Variants in NUP188 observed in about 807,000 individuals in gnomAD.
NUP188 encodes the protein nucleoporin NUP188.
Under a neutral mutation model 223.0 loss-of-function variants are expected in NUP188, and 97 were observed. The observed-to-expected ratio is 0.43, with a 90% CI of 0.37 to 0.51. NUP188 has a LOEUF of 0.51. Among genes scored for constraint, NUP188 ranks in the 20% least tolerant of loss-of-function variants. The pLI, the probability that NUP188 is intolerant of heterozygous loss-of-function variation, is 0.00. For missense variants in NUP188, 1,947 were observed against 2,175.6 expected (o/e 0.89, Z 2.09); for synonymous variants, 869 against 828.0 (o/e 1.05, Z -0.85).
rs1252009830 is a variant in NUP188, at chr9:128,999,745, C to T, written c.3783C>T (p.Asp1261=). 2.5e-6 allele frequency: 4 copies of T among 1,614,220 alleles called. No homozygotes were observed. Among genetic ancestry groups the T allele is most frequent in the South Asian group, 1.1e-5 (1 of 91,088 alleles). The change falls in exon 34 of 44, where the codon GAC becomes GAT. Residue 1261 remains aspartate, a synonymous_variant. Coordinates refer to ENST00000372577, the MANE Select transcript of NUP188 (RefSeq NM_015354.3). Reference sequence around the variant, plus strand: ...TGGCATTAGGCAGTGCCACAGAGGACAAGGACAGCATGGAGACTGACGACT... The same window carrying T: ...TGGCATTAGGCAGTGCCACAGAGGATAAGGACAGCATGGAGACTGACGACT... ...HSLALGSATE[D]KDSMETDDCS... is the part of the protein sequence containing the mutation.
intron 2 of NUP188, among the ~76,000 whole-genome samples, chr9:128,949,542 G>T (rs1351663567): frequency 1.3e-5 from 2 of 151,964 alleles, no homozygotes; most frequent in African/African-American, 4.8e-5. Context: ...ATTTTGGTCA[G>T]GCTGGTCTCC....
chr9:128,972,466 AGAGGATTTCAC>A (rs1329693633), intron 11 of NUP188, among the ~76,000 whole-genome samples: 2 of 139,640 alleles, frequency 1.4e-5, no homozygotes, highest in East Asian at 4.2e-4. Context: ...GGTAGAACAC[AGAGGATTTCAC>A]AGAGGATTTT....
At chr9:128,950,136 C>T (rs1412519247) in intron 2 of NUP188, among the ~76,000 whole-genome samples, 2 of 150,882 alleles carry the variant, frequency 1.3e-5, no homozygotes, top group Non-Finnish European at 3.0e-5. Flanking sequence ...TTGGCCAGGT[C>T]GGTCTTGAAC....
chr9:128,978,556 CAAAAAAAAAA>C (rs57813508), intron 12 of NUP188, among the ~76,000 whole-genome samples: 1 of 67,640 alleles, frequency 1.5e-5, no homozygotes, highest in Non-Finnish European at 2.6e-5. Context: ...GAGTGAGACT[CAAAAAAAAAA>C]AAAAAAAAAA....
intron 19 of NUP188, 21 bp from the exon 20 acceptor site, chr9:128,984,879 T>C (rs553257303): frequency 1.0e-4 from 152 of 1,517,490 alleles, no homozygotes; most frequent in Middle Eastern, 3.4e-4. Context: ...TCATTTTTTT[T>C]CCCTCTACTT....
chr9:129,000,450 C>T (rs561752083), intron 34 of NUP188, among the ~76,000 whole-genome samples: 1 of 152,168 alleles, frequency 6.6e-6, no homozygotes, highest in Admixed American at 6.5e-5. Flanking sequence ...ACCCGAGTAG[C>T]TGGGGCTACA....
rs749265424 is a variant in NUP188, at chr9:129,006,069, C to T, written c.4889C>T (p.Pro1630Leu). Residue 1630 changes from proline (P) to leucine (L), a missense_variant, in exon 42 of 44, where the codon CCC becomes CTC. Pro to Leu is a moderately conservative substitution (Grantham distance 98, BLOSUM62 -3). This residue lies in a region of NUP188 where 905 missense variants were observed against 990.6 expected (regional missense o/e 0.91). Coordinates refer to ENST00000372577, the MANE Select transcript of NUP188 (RefSeq NM_015354.3). ...MLGELDKKKE[P>L]LTQAVGLSTQ... Reference sequence around the variant, plus strand: ...CTTCAGCTGGACAAGAAAAAGGAGCCCCTCACCCAGGCAGTGGGGCTCAGC... The same window carrying T: ...CTTCAGCTGGACAAGAAAAAGGAGCTCCTCACCCAGGCAGTGGGGCTCAGC... The T allele has an allele frequency of 6.2e-7, 1 of 1,614,096 alleles. No individual in the cohort carries two copies. Among genetic ancestry groups the T allele is most frequent in the East Asian group, 2.2e-5 (1 of 44,880 alleles).
chr9:128,998,344 G>A (rs565497142), intron 31 of NUP188, 116 bp downstream of exon 31: 43 of 1,104,238 alleles, frequency 3.9e-5, no homozygotes, highest in African/African-American at 1.4e-4. Flanking sequence ...CAGGGCTCAC[G>A]TTGGCCTGGG....
Position 129,001,596 on chromosome 9 carries a change from TGCAGGTAACCC to T in NUP188, c.3917_3927del (p.Val1306AlafsTer25). The T allele has an allele frequency of 2.5e-6, 4 of 1,614,110 alleles. No individual in the cohort carries two copies. The highest frequency in any genetic ancestry group is 3.4e-6 in the Non-Finnish European group (4 of 1,180,018). ...GTAGACGAGGATGGTGACTCCTGGC[TGCAGGTAACCC>T]GCAGGCTCCCCATCCTACCCACCCT... is the stretch of plus-strand genomic sequence containing the variant. On this transcript the variant is annotated frameshift_variant, in exon 35 of 44. Transcript: ENST00000372577. LOFTEE classifies it high-confidence loss of function.
At chr9:129,003,717 G>A in intron 38 of NUP188, 1 of 504,556 alleles carries the variant, frequency 2.0e-6, no homozygotes, top group Non-Finnish European at 3.6e-6. Context: ...CTTGGGGCCG[G>A]GCATGGTGGC....
chr9:128,967,832 T>C (rs542084761), intron 8 of NUP188, among the ~76,000 whole-genome samples: 160 of 152,008 alleles, frequency 1.1e-3, no homozygotes, highest in Admixed American at 2.7e-3. Flanking sequence ...GACATGGTGC[T>C]AACCTGTAGT....
At chr9:128,964,321 C>A in intron 8 of NUP188, 2 of 350,882 alleles carry the variant, frequency 5.7e-6, no homozygotes, top group Non-Finnish European at 1.1e-5. Flanking sequence ...TGTTTTACAA[C>A]TTTTTTCTTC....
At chr9:128,986,705 C>T (rs1379934161) in intron 21 of NUP188, 27 bp downstream of exon 21, 2 of 1,614,014 alleles carry the variant, frequency 1.2e-6, no homozygotes, top group East Asian at 4.5e-5. Context: ...CAGGGAAGAC[C>T]TGGGGATTTC....
rs759343351 is a variant in NUP188 at position 128,973,253 on chromosome 9, A to G, written c.1203+4A>G. On this transcript the variant is annotated splice_donor_region_variant and intron_variant, in intron 12 of 43. Coordinates refer to ENST00000372577, the MANE Select transcript of NUP188 (RefSeq NM_015354.3). ...GCACACCCTGGGCAATCAGCAGGTC[A>G]GTGTCTGGCTTTCATGAAGCTGTCT... 44 of 1,611,182 alleles carry G rather than the reference A, an allele frequency of 2.7e-5. No individual in the cohort carries two copies. Among genetic ancestry groups the G allele is most frequent in the Non-Finnish European group, 3.4e-6 (4 of 1,178,780 alleles).
intron 36 of NUP188, among the ~76,000 whole-genome samples, chr9:129,002,281 CCT>C (rs1385232496): frequency 6.6e-6 from 1 of 152,224 alleles, no homozygotes; most frequent in Non-Finnish European, 1.5e-5. Flanking sequence ...AGGCAGCTGT[CCT>C]CTCCTGTCAT....
At chr9:128,982,241 G>A (rs1239142406) in intron 15 of NUP188, among the ~76,000 whole-genome samples, 2 of 151,496 alleles carry the variant, frequency 1.3e-5, no homozygotes, top group East Asian at 3.9e-4. Flanking sequence ...GACCAGCCTG[G>A]TCAACATGGA....
chr9:128,994,043 A>G (rs1055295704), intron 27 of NUP188, among the ~76,000 whole-genome samples: 1 of 152,196 alleles, frequency 6.6e-6, no homozygotes, highest in African/African-American at 2.4e-5. Context: ...TGCTGGCACA[A>G]AGGGAAGGAG....
chr9:128,956,210 T>C (rs113720142), intron 3 of NUP188, 140 bp from the exon 4 acceptor site: 11,995 of 437,172 alleles, frequency 0.027, 225 homozygotes, highest in South Asian at 0.041. Context: ...TGTGTGTGTG[T>C]GCGTGTGTGT....
rs1269872580 is a variant in NUP188, at chr9:128,993,316, G to A, written c.2760G>A (p.Glu920=). The change falls in exon 26 of 44, where the codon GAG becomes GAA. Residue 920 remains glutamate, a synonymous_variant. Transcript: ENST00000372577. The part of the protein sequence containing the change: ...EDMRIKVMIL[E]FLTVAVETQP... ...TGCGCATCAAAGTCATGATTCTAGA[G>A]TTCCTCACTGTTGCAGTAGAGACCC... is the stretch of plus-strand genomic sequence containing the variant. 2 of 1,614,200 alleles carry A rather than the reference G, an allele frequency of 1.2e-6. No individual in the cohort carries two copies. The highest frequency in any genetic ancestry group is 2.2e-5 in the South Asian group (2 of 91,086).
Sources: allele counts gnomAD v4.1 joint callset (sites outside exome capture counted in the v4.1 genomes callset), GRCh38; gene constraint gnomAD v4.1.1; regional missense constraint gnomAD v4.1.1; transcripts MANE v1.5; gene names NCBI Gene and HGNC (gene_info 2026-07-23, HGNC 2026-07-21).